Variants in AFF2 observed in about 807,000 individuals in gnomAD.
AFF2 encodes AF4/FMR2 family member 2.
In AFF2, 14 loss-of-function variants were observed where a neutral mutation model predicts 76.9. The observed-to-expected ratio is 0.18, with a 90% CI of 0.12 to 0.28. The LOEUF (loss-of-function observed/expected upper bound fraction) is 0.28, where lower values mean the gene tolerates loss of function less well. Ranked by LOEUF, AFF2 falls within the 10% of genes least tolerant of loss-of-function variation. The probability of loss-of-function intolerance (pLI) is 1.00; values close to 1 mark genes in which losing one functional copy is unlikely to be tolerated. For missense variants in AFF2, 868 were observed against 1,001.1 expected (o/e 0.87, Z 1.79); for synonymous variants, 398 against 366.7 (o/e 1.09, Z -0.98).
chrX:148,815,395 C>T (rs1323498759), intron 4 of AFF2, among the ~76,000 whole-genome samples: 5 of 111,465 alleles, frequency 4.5e-5, no homozygotes, highest in African/African-American at 9.8e-5. Flanking sequence ...GGACTTAATA[C>T]GTAGCATGCA....
chrX:148,612,539 A>G (rs782562257), intron 1 of AFF2, among the ~76,000 whole-genome samples: 1 of 112,203 alleles, frequency 8.9e-6, no homozygotes, highest in Non-Finnish European at 1.9e-5. Context: ...CAGACACTGC[A>G]TATGTGGGAA....
chrX:148,788,380 A>T (rs2069849526), intron 3 of AFF2, among the ~76,000 whole-genome samples: 1 of 112,225 alleles, frequency 8.9e-6, no homozygotes, highest in Non-Finnish European at 1.9e-5. Context: ...GCAGTTACAT[A>T]GAGCCACGTA....
chrX:148,600,565 C>T (rs1411550368), intron 1 of AFF2, among the ~76,000 whole-genome samples: 18 of 112,186 alleles, frequency 1.6e-4, no homozygotes, highest in African/African-American at 5.2e-4. Context: ...GTACTTAGGA[C>T]GTCAGCTTAC....
rs782607950 is a variant in AFF2 at position 148,834,409 on chromosome X, T to A, written c.1087-3238T>A. On this transcript the variant is annotated intron_variant, in intron 4 of 20. Coordinates refer to ENST00000370460, the MANE Select transcript of AFF2 (RefSeq NM_002025.4). ...CTCAGTTGCCCGTTGGGAATATGAA[T>A]CCCTGCTTTCTGTCTCTCTCTGTCT... Among the ~76,000 whole-genome samples the A allele has an allele frequency of 3.6e-5, 4 of 111,317 alleles. No homozygotes were observed. The South Asian group carries it at 1.5e-3, about 43-fold the overall frequency.
intron 1 of AFF2, among the ~76,000 whole-genome samples, chrX:148,506,187 G>A (rs2052414976): frequency 9.0e-6 from 1 of 111,638 alleles, no homozygotes; most frequent in South Asian, 3.8e-4. Flanking sequence ...TGCAATCCAG[G>A]TTTCAGCATA....
intron 1 of AFF2, among the ~76,000 whole-genome samples, chrX:148,582,352 A>G (rs782253384): frequency 2.2e-4 from 24 of 111,520 alleles, no homozygotes; most frequent in Non-Finnish European, 3.6e-4. Flanking sequence ...GTACTTTGAG[A>G]CTATGTAAAT....
intron 7 of AFF2, among the ~76,000 whole-genome samples, chrX:148,865,124 A>G (rs782444731): frequency 9.8e-5 from 11 of 112,641 alleles, no homozygotes; most frequent in Non-Finnish European, 1.7e-4. Flanking sequence ...GAAGAAAATG[A>G]TATGGCAATA....
chrX:148,586,316 C>T (rs2053469361), intron 1 of AFF2, among the ~76,000 whole-genome samples: 1 of 111,915 alleles, frequency 8.9e-6, no homozygotes, highest in African/African-American at 3.3e-5. Context: ...ACAGTGGCAA[C>T]GTTTATATTA....
chrX:148,611,084 A>C (rs782484090), intron 1 of AFF2, among the ~76,000 whole-genome samples: 1 of 112,103 alleles, frequency 8.9e-6, no homozygotes, highest in East Asian at 2.8e-4. Context: ...CATGAAAAAC[A>C]GGCCCATTTA....
At chrX:148,919,860 G>T (rs2071573641) in intron 9 of AFF2, among the ~76,000 whole-genome samples, 1 of 112,130 alleles carries the variant, frequency 8.9e-6, no homozygotes, top group African/African-American at 3.2e-5. Flanking sequence ...TTCTCATTGT[G>T]CCATTTGCAC....
chrX:148,941,267 A>G (rs1243679926), intron 9 of AFF2, among the ~76,000 whole-genome samples: 3 of 111,779 alleles, frequency 2.7e-5, no homozygotes, highest in Non-Finnish European at 5.6e-5. Flanking sequence ...CATGTGGGCC[A>G]GGAGATTTAA....
In AFF2 at chrX:148,963,260, G is replaced by A. The variant is rs955263212; in HGVS notation, c.2913+323G>A. 3.6e-5 allele frequency among the ~76,000 whole-genome samples: 4 copies of A among 111,918 alleles called. No homozygotes were observed. In the Admixed American group the frequency reaches 3.8e-4, roughly 11 times the overall value. On this transcript the variant is annotated intron_variant, in intron 13 of 20. Coordinates refer to ENST00000370460, the MANE Select transcript of AFF2 (RefSeq NM_002025.4). The stretch of plus-strand genomic sequence containing the variant: ...ATAAATATATTAATATTTGCTCCTA[G>A]AAATATATCATCCTTCTTAGGGAAA...
chrX:148,683,127 G>A (rs1235935195), intron 3 of AFF2, among the ~76,000 whole-genome samples: 1 of 111,854 alleles, frequency 8.9e-6, no homozygotes, highest in Non-Finnish European at 1.9e-5. Context: ...CATACACTGA[G>A]CAGGTTGCGT....
chrX:148,768,994 T>G (rs1189163544), intron 3 of AFF2, among the ~76,000 whole-genome samples: 1 of 111,864 alleles, frequency 8.9e-6, no homozygotes, highest in Non-Finnish European at 1.9e-5. Flanking sequence ...GTAGATGTTA[T>G]TCTTTCTCAT....
intron 4 of AFF2, among the ~76,000 whole-genome samples, chrX:148,835,130 G>C (rs1176270437): frequency 9.0e-6 from 1 of 111,412 alleles, no homozygotes; most frequent in Admixed American, 9.6e-5. Context: ...TAGGGGAAAA[G>C]GTACACTTTT....
At chrX:148,537,937 A>G (rs1470048824) in intron 1 of AFF2, among the ~76,000 whole-genome samples, 2 of 112,442 alleles carry the variant, frequency 1.8e-5, no homozygotes, top group Non-Finnish European at 3.8e-5. Context: ...CCAAACCCTG[A>G]TAGCTGTGTC....
intron 3 of AFF2, among the ~76,000 whole-genome samples, chrX:148,748,167 A>G (rs1248517461): frequency 1.8e-5 from 2 of 112,320 alleles, no homozygotes; most frequent in African/African-American, 3.2e-5. Context: ...TATAAAATAC[A>G]GTTAGCGGCA....
At chrX:148,723,894 CT>C (rs1191485333) in intron 3 of AFF2, among the ~76,000 whole-genome samples, 1 of 104,507 alleles carries the variant, frequency 9.6e-6, no homozygotes, top group East Asian at 2.9e-4. Context: ...GTTTGAAAAC[CT>C]TTTTTTTTCT....
At chrX:148,938,250 AAAT>A (rs2071794653) in intron 9 of AFF2, among the ~76,000 whole-genome samples, 1 of 111,943 alleles carries the variant, frequency 8.9e-6, no homozygotes, top group Admixed American at 9.5e-5. Flanking sequence ...TTGCTTCTGT[AAAT>A]AAGGTTAGAG....
Sources: allele counts gnomAD v4.1 joint callset (sites outside exome capture counted in the v4.1 genomes callset), GRCh38; gene constraint gnomAD v4.1.1; transcripts MANE v1.5; gene names NCBI Gene and HGNC (gene_info 2026-07-23, HGNC 2026-07-21).